The following CEP192 variants were observed in gnomAD, a reference collection of about 807,000 sequenced individuals.
CEP192 encodes centrosomal protein of 192 kDa.
CEP192 carries 151 observed loss-of-function variants against 271.8 expected under a neutral mutation model. That is an observed-to-expected ratio of 0.56 (90% CI 0.49 to 0.64). The LOEUF is 0.64. CEP192 is among the 30% of genes least tolerant of loss of function. The pLI is 0.00. For synonymous variants in CEP192, 995 were observed against 1,076.5 expected (o/e 0.92, Z 1.48); for missense variants, 2,910 against 3,020.5 (o/e 0.96, Z 0.86).
At chr18:13,073,646 G>A (rs1363693075) in intron 30 of CEP192, among the ~76,000 whole-genome samples, 1 of 152,176 alleles carries the variant, frequency 6.6e-6, no homozygotes, top group East Asian at 1.9e-4. Context: ...GGAAGCCCAA[G>A]ATTAGAGCAC....
intron 9 of CEP192, among the ~76,000 whole-genome samples, chr18:13,027,377 C>G (rs1482387646): frequency 6.6e-6 from 1 of 152,194 alleles, no homozygotes; most frequent in African/African-American, 2.4e-5. Flanking sequence ...GTAAAACTCA[C>G]AAAAGCATGG....
At chr18:13,070,086 A>G (rs1051521682) in intron 27 of CEP192, among the ~76,000 whole-genome samples, 1 of 151,954 alleles carries the variant, frequency 6.6e-6, no homozygotes, top group Non-Finnish European at 1.5e-5. Context: ...GCTTGAACCC[A>G]GGAGGCGGAG....
intron 15 of CEP192, among the ~76,000 whole-genome samples, chr18:13,047,318 A>G (rs144308832): frequency 2.0e-4 from 30 of 152,190 alleles, no homozygotes; most frequent in African/African-American, 7.2e-4. Flanking sequence ...CTCATCCCAA[A>G]GCATGGATGT....
In CEP192 at chr18:13,056,284, A is replaced by G. The variant is rs1396914273; in HGVS notation, c.3694A>G (p.Thr1232Ala). The G allele has an allele frequency of 6.2e-7, 1 of 1,614,074 alleles. No individual in the cohort carries two copies. Among genetic ancestry groups the G allele is most frequent in the Non-Finnish European group, 8.5e-7 (1 of 1,179,930 alleles). ...CCAGTGTACTCCTATTCCCAGCAGC[A>G]CAGTTCACAGCTCTGTGGCTGACAT... ...ENQCTPIPSS[T>A]VHSSVADMQN... is the part of the protein sequence containing the mutation. The change falls in exon 19 of 45, where the codon ACA (threonine) becomes GCA (alanine). Residue 1232 changes from threonine to alanine, a missense_variant. Thr to Ala is a moderately conservative substitution (Grantham distance 58). Transcript: ENST00000506447.
chr18:13,023,619 T>A (rs1301389435), intron 9 of CEP192, among the ~76,000 whole-genome samples: 1 of 152,114 alleles, frequency 6.6e-6, no homozygotes, highest in Non-Finnish European at 1.5e-5. Flanking sequence ...ATATAATATT[T>A]GATTTGATTT....
chr18:13,124,891 T>C lies in CEP192; in HGVS notation c.*121T>C, dbSNP rs2145198362. The C allele has an allele frequency of 1.1e-6, 1 of 875,324 alleles. No homozygotes were observed. The highest frequency in any genetic ancestry group is 2.7e-5 in the East Asian group (1 of 36,900). 54.2% of individuals were successfully genotyped at this position (875,324 alleles called of 1,614,324 possible). On this transcript the variant is annotated 3_prime_UTR_variant, in exon 45 of 45. Transcript: ENST00000506447. ...TATGATGGATATCTATAATTGTAGA[T>C]TTTGTTTTTACAAGCTAATACTGAA...
At position 13,095,550 on chromosome 18, in the gene CEP192, T is replaced by A. The variant is rs764086351; in HGVS notation, c.6302T>A (p.Val2101Asp). 13 of 1,613,978 alleles carry A rather than the reference T, an allele frequency of 8.1e-6. No individual in the cohort carries two copies. The African/African-American group carries it at 1.3e-4, about 17-fold the overall frequency. The change falls in exon 35 of 45, where the codon GTT becomes GAT. Residue 2101 changes from valine to aspartate, a missense_variant. Coordinates refer to ENST00000506447, the MANE Select transcript of CEP192 (RefSeq NM_032142.4). ...CATGGTGGCAACGTCTCTTTGGATG[T>A]TTTACCAGTCAAAGGTCCTCAGGGT... ...GKHGGNVSLDVLPVKGPQGSP... is the reference protein window; with the variant it reads ...GKHGGNVSLDDLPVKGPQGSP...
chr18:13,035,146 A>G (rs1406568842), intron 11 of CEP192, among the ~76,000 whole-genome samples: 1 of 152,210 alleles, frequency 6.6e-6, no homozygotes. Context: ...TGAATCCCTT[A>G]TAGTTCAGAG....
rs147986327 is a variant in CEP192, at chr18:13,087,088, C to G, written c.5688C>G (p.Tyr1896Ter). The change falls in exon 31 of 45, where the codon TAC becomes TAG. Residue 1896 changes from tyrosine to a stop codon, truncating the protein, a stop_gained. Coordinates refer to ENST00000506447, the MANE Select transcript of CEP192 (RefSeq NM_032142.4). LOFTEE classifies it high-confidence loss of function. ...LEGVKKLSDS[Y>*]MVTVNGLVPG... ...GCGTTAAAAAATTATCTGACAGTTA[C>G]ATGGTAACAGTGAATGGCTTAGTAC... 1 of 1,613,418 alleles carries G rather than the reference C, an allele frequency of 6.2e-7. No homozygotes were observed. Among genetic ancestry groups the G allele is most frequent in the East Asian group, 2.2e-5 (1 of 44,862 alleles).
At chr18:13,083,806 G>C (rs1274717511) in intron 30 of CEP192, among the ~76,000 whole-genome samples, 1 of 152,112 alleles carries the variant, frequency 6.6e-6, no homozygotes, top group Non-Finnish European at 1.5e-5. Flanking sequence ...GTTTTGGTGT[G>C]GATGTCCTTT....
At chr18:13,033,970 T>A (rs2035772905) in intron 11 of CEP192, among the ~76,000 whole-genome samples, 1 of 152,326 alleles carries the variant, frequency 6.6e-6, no homozygotes, top group South Asian at 2.1e-4. Flanking sequence ...AGAAATATTT[T>A]AGCTGTTGGT....
At chr18:13,010,144 A>G (rs2034249983) in intron 4 of CEP192, among the ~76,000 whole-genome samples, 1 of 152,164 alleles carries the variant, frequency 6.6e-6, no homozygotes, top group African/African-American at 2.4e-5. Context: ...CCCTATCTCA[A>G]AAATAAATAA....
At chr18:12,992,044 G>A (rs1048308290) in intron 1 of CEP192, among the ~76,000 whole-genome samples, 1 of 152,180 alleles carries the variant, frequency 6.6e-6, no homozygotes, top group Non-Finnish European at 1.5e-5. Context: ...CGTGAAATGA[G>A]ACGAATGTTA....
chr18:13,078,561 C>T (rs923673920), intron 30 of CEP192, among the ~76,000 whole-genome samples: 31 of 151,956 alleles, frequency 2.0e-4, no homozygotes, highest in Middle Eastern at 3.2e-3. Context: ...AGTGTAAAAG[C>T]GTTCCTATTT....
intron 40 of CEP192, among the ~76,000 whole-genome samples, chr18:13,111,545 T>C (rs889350030): frequency 2.0e-5 from 3 of 152,132 alleles, no homozygotes; most frequent in African/African-American, 7.2e-5. Flanking sequence ...AAAGACAACA[T>C]AGGAATAAAT....
At chr18:13,118,497 G>A (rs929380862) in intron 44 of CEP192, among the ~76,000 whole-genome samples, 1 of 152,010 alleles carries the variant, frequency 6.6e-6, no homozygotes, top group Non-Finnish European at 1.5e-5. Flanking sequence ...CTTTTTATTC[G>A]TTTATCTCTC....
At chr18:13,095,472 C>T in intron 34 of CEP192, 31 bp from the exon 35 acceptor site, 3 of 1,559,096 alleles carry the variant, frequency 1.9e-6, no homozygotes, top group Non-Finnish European at 1.7e-6. Context: ...TTCTTCATGT[C>T]TAACTTTTTC....
At chr18:13,018,124 G>T (rs1037934926) in intron 7 of CEP192, among the ~76,000 whole-genome samples, 1 of 152,120 alleles carries the variant, frequency 6.6e-6, no homozygotes, top group African/African-American at 2.4e-5. Context: ...GCCCTACACC[G>T]GGAGACGTTT....
intron 11 of CEP192, among the ~76,000 whole-genome samples, chr18:13,033,547 C>G (rs940037892): frequency 2.0e-5 from 3 of 152,230 alleles, no homozygotes; most frequent in Non-Finnish European, 4.4e-5. Flanking sequence ...TGTAACCGAG[C>G]AGTTCTGCTT....
Sources: gnomAD v4.1 joint callset for allele counts (sites outside exome capture counted in the v4.1 genomes callset) on GRCh38, gnomAD v4.1.1 for gene constraint, MANE v1.5 for transcripts, NCBI Gene and HGNC (gene_info 2026-07-23, HGNC 2026-07-21) for gene names.